SGSM1: variants seen among roughly 807,000 people sequenced by gnomAD.
The protein encoded by SGSM1 is RUN and TBC1 domain containing 2.
Under a neutral mutation model 133.8 loss-of-function variants are expected in SGSM1, and 73 were observed. The ratio of observed to expected loss-of-function variants is 0.55; its 90% CI spans 0.45 to 0.66. The LOEUF is 0.66. SGSM1 is among the 30% of genes least tolerant of loss of function. The pLI, the probability that SGSM1 is intolerant of heterozygous loss-of-function variation, is 0.00. For missense variants in SGSM1, 1,213 were observed against 1,448.1 expected (o/e 0.84, Z 2.64); for synonymous variants, 563 against 573.0 (o/e 0.98, Z 0.25).
intron 5 of SGSM1, among the ~76,000 whole-genome samples, chr22:24,851,514 A>G (rs1930485106): frequency 6.6e-6 from 1 of 151,478 alleles, no homozygotes; most frequent in East Asian, 1.9e-4. Flanking sequence ...CATCTTTCAG[A>G]ATATGAAAGT....
chr22:24,886,592 C>G lies in SGSM1; in HGVS notation c.1642-8C>G. On this transcript the variant is annotated splice_region_variant and splice_polypyrimidine_tract_variant and intron_variant, in intron 15 of 24. Coordinates refer to ENST00000400358, the MANE Select transcript of SGSM1 (RefSeq NM_001098497.3). ...ACCAAACTCTTTGCTCCTCTCCACC[C>G]ACCACAGAGTTACGAGGAGCAGGAG... The G allele has an allele frequency of 6.4e-7, 1 of 1,551,710 alleles. No homozygotes were observed.
chr22:24,834,574 C>T (rs562273376), intron 2 of SGSM1, among the ~76,000 whole-genome samples: 5 of 152,142 alleles, frequency 3.3e-5, no homozygotes, highest in South Asian at 2.1e-4. Flanking sequence ...GCAGCTTGAA[C>T]GACATAAACT....
intron 5 of SGSM1, among the ~76,000 whole-genome samples, chr22:24,851,573 T>C (rs1358876319): frequency 6.6e-6 from 1 of 152,164 alleles, no homozygotes; most frequent in Non-Finnish European, 1.5e-5. Flanking sequence ...TTATCATTCT[T>C]TGCCCCTTTG....
intron 24 of SGSM1, 116 bp from the exon 25 acceptor site, chr22:24,924,070 C>A: frequency 1.1e-6 from 1 of 887,732 alleles, no homozygotes; most frequent in Non-Finnish European, 1.8e-6. Flanking sequence ...AGGGCCTCTG[C>A]TTCCTGAGTC....
chr22:24,820,291 A>G (rs560170697), intron 2 of SGSM1, among the ~76,000 whole-genome samples: 1 of 152,158 alleles, frequency 6.6e-6, no homozygotes, highest in Non-Finnish European at 1.5e-5. Context: ...GCAGGGTGAT[A>G]AGGGGAGGCT....
At chr22:24,839,703 A>G (rs1929673845) in intron 2 of SGSM1, among the ~76,000 whole-genome samples, 1 of 152,028 alleles carries the variant, frequency 6.6e-6, no homozygotes, top group Admixed American at 6.5e-5. Flanking sequence ...TTCATGATTT[A>G]GTTTGTATAT....
intron 24 of SGSM1, among the ~76,000 whole-genome samples, chr22:24,922,199 T>G (rs1934035547): frequency 6.7e-6 from 1 of 148,160 alleles, no homozygotes; most frequent in Non-Finnish European, 1.5e-5. Context: ...TTTTTTTTTT[T>G]TGTGATGGCG....
At chr22:24,917,018 A>G (rs1316332330) in intron 22 of SGSM1, among the ~76,000 whole-genome samples, 1 of 151,068 alleles carries the variant, frequency 6.6e-6, no homozygotes, top group Non-Finnish European at 1.5e-5. Context: ...AGCTGGGACT[A>G]CATGCCCAGG....
intron 2 of SGSM1, among the ~76,000 whole-genome samples, chr22:24,830,694 G>GGGGCTAAGTGTATGGAGAGGGTCCCCA (rs1222500637): frequency 2.0e-5 from 3 of 148,688 alleles, no homozygotes; most frequent in East Asian, 2.0e-4. Flanking sequence ...TTACCAGAAG[G>GGGGCTAAGTGTATGGAGAGGGTCCCCA]AAGCTTTTCC....
intron 8 of SGSM1, 195 bp from the exon 9 acceptor site, chr22:24,859,521 A>G (rs1931001184): frequency 7.0e-6 from 5 of 710,208 alleles, no homozygotes; most frequent in Non-Finnish European, 1.2e-5. Context: ...CCCATTTGGG[A>G]GGCTGGCTGC....
intron 2 of SGSM1, among the ~76,000 whole-genome samples, chr22:24,836,804 A>T (rs1213376857): frequency 6.6e-6 from 1 of 152,202 alleles, no homozygotes; most frequent in East Asian, 1.9e-4. Context: ...GCAGTTCTCC[A>T]TATATTCTGG....
chr22:24,808,933 C>T (rs1225296281), intron 2 of SGSM1, among the ~76,000 whole-genome samples: 1 of 151,546 alleles, frequency 6.6e-6, no homozygotes, highest in Non-Finnish European at 1.5e-5. Context: ...CACAAACATG[C>T]TCATCCAAAT....
intron 5 of SGSM1, 136 bp from the exon 6 acceptor site, chr22:24,854,860 T>A: frequency 1.6e-6 from 1 of 644,880 alleles, no homozygotes. Context: ...TATATTATTA[T>A]TATCCCCATT....
chr22:24,868,335 G>A (rs1653964337), intron 10 of SGSM1, 41 bp from the exon 11 acceptor site: 1 of 1,582,980 alleles, frequency 6.3e-7, no homozygotes, highest in African/African-American at 1.3e-5. Context: ...GTGCCTCATA[G>A]TGACTTCCAC....
At position 24,806,251 on chromosome 22, in the gene SGSM1, G is replaced by GCGCCGCGGCCGGAGGAGCTAC; in HGVS notation, c.-68_-48dup. On this transcript the variant is annotated 5_prime_UTR_variant, in exon 1 of 25. Transcript: ENST00000400358. ...CCGCCCCGCCGCGGCTGCAGCAGCA[G>GCGCCGCGGCCGGAGGAGCTAC]CGCCGCGGCCGGAGGAGCTACCGCC... is the stretch of plus-strand genomic sequence containing the variant. 5 of 1,341,184 alleles carry GCGCCGCGGCCGGAGGAGCTAC rather than the reference G, an allele frequency of 3.7e-6. No homozygotes were observed. The South Asian group carries it at 9.7e-5, about 26-fold the overall frequency. 83.1% of individuals were successfully genotyped at this position (1,341,184 alleles called of 1,614,324 possible).
At chr22:24,922,664 G>C (rs1029161564) in intron 24 of SGSM1, among the ~76,000 whole-genome samples, 2 of 151,032 alleles carry the variant, frequency 1.3e-5, no homozygotes, top group Non-Finnish European at 2.9e-5. Flanking sequence ...TTTTAGTAGA[G>C]ATGGGGTTTC....
In SGSM1 at chr22:24,907,260, CAAATAAATAAATAAATAAATAAAT is replaced by C. The variant is rs199825662; in HGVS notation, c.2818+2097_2818+2120del. Among the ~76,000 whole-genome samples the C allele has an allele frequency of 2.7e-3, 389 of 142,662 alleles. 10 individuals carry two copies. In the East Asian group the frequency reaches 0.05, roughly 18 times the overall value. The allele number at this position is 142,662 out of a possible 152,430, so 93.6% of individuals were successfully genotyped here. A position where few individuals can be genotyped will look rare whatever the true frequency, so the allele number is the denominator to read the frequency against. On this transcript the variant is annotated intron_variant, in intron 21 of 24. Coordinates refer to ENST00000400358, the MANE Select transcript of SGSM1 (RefSeq NM_001098497.3). ...GGGTGACAAGAGCAAAACTCCATCT[CAAATAAATAAATAAATAAATAAAT>C]AAATAAATAAATAAATAAATAAAAG...
intron 4 of SGSM1, among the ~76,000 whole-genome samples, chr22:24,848,165 A>T (rs1189410252): frequency 6.6e-6 from 1 of 151,548 alleles, no homozygotes; most frequent in Non-Finnish European, 1.5e-5. Flanking sequence ...ATCTCACTTG[A>T]TGCAGAACTT....
intron 4 of SGSM1, among the ~76,000 whole-genome samples, chr22:24,848,615 G>A (rs1229944929): frequency 6.6e-6 from 1 of 152,182 alleles, no homozygotes; most frequent in Non-Finnish European, 1.5e-5. Context: ...GCCTGGTCAG[G>A]GAATGACAAT....
Sources: allele counts gnomAD v4.1 joint callset (sites outside exome capture counted in the v4.1 genomes callset), GRCh38; gene constraint gnomAD v4.1.1; transcripts MANE v1.5; gene names NCBI Gene and HGNC (gene_info 2026-07-23, HGNC 2026-07-21).